FMN2: variants seen among roughly 807,000 people sequenced by gnomAD.
FMN2 encodes formin-2.
Under a neutral mutation model 142.3 loss-of-function variants are expected in FMN2, and 51 were observed. The ratio of observed to expected loss-of-function variants is 0.36; its 90% CI spans 0.29 to 0.45. The LOEUF (loss-of-function observed/expected upper bound fraction) is 0.45, where lower values mean the gene tolerates loss of function less well. FMN2 is among the 20% of genes least tolerant of loss of function. The pLI, the probability that FMN2 is intolerant of heterozygous loss-of-function variation, is 1.00. For missense variants in FMN2, 1,936 were observed against 2,122.8 expected (o/e 0.91, Z 1.73); for synonymous variants, 882 against 869.8 (o/e 1.01, Z -0.25).
intron 15 of FMN2, among the ~76,000 whole-genome samples, chr1:240,405,034 A>T (rs1427716422): frequency 1.3e-5 from 2 of 152,166 alleles, no homozygotes; most frequent in East Asian, 1.9e-4. Context: ...CCCAATATTT[A>T]AAAATATTTG....
chr1:240,279,154 C>T (rs1414807373), intron 7 of FMN2, among the ~76,000 whole-genome samples: 1 of 152,098 alleles, frequency 6.6e-6, no homozygotes, highest in Non-Finnish European at 1.5e-5. Context: ...GGTTTCCATG[C>T]AAGCTTTTTA....
intron 8 of FMN2, among the ~76,000 whole-genome samples, chr1:240,318,698 A>G (rs1393036924): frequency 2.0e-5 from 3 of 152,216 alleles, no homozygotes; most frequent in African/African-American, 7.2e-5. Context: ...AAACAATCAC[A>G]TTAAGTACTT....
At chr1:240,332,377 A>G (rs1160361874) in intron 11 of FMN2, among the ~76,000 whole-genome samples, 1 of 32,550 alleles carries the variant, frequency 3.1e-5, no homozygotes, top group Non-Finnish European at 5.1e-5. Context: ...TCAAAAAAAA[A>G]AAGAAAGAAA....
chr1:240,113,227 G>T (rs1156410215), intron 1 of FMN2, among the ~76,000 whole-genome samples: 1 of 152,068 alleles, frequency 6.6e-6, no homozygotes, highest in East Asian at 1.9e-4. Context: ...GAACCGGGAA[G>T]CCTCTGGTTC....
chr1:240,136,714 T>C (rs1662955542), intron 2 of FMN2, among the ~76,000 whole-genome samples: 1 of 152,186 alleles, frequency 6.6e-6, no homozygotes, highest in African/African-American at 2.4e-5. Flanking sequence ...TAATTAGTTC[T>C]ATTGATGTGA....
At chr1:240,160,544 A>C (rs573944695) in intron 2 of FMN2, among the ~76,000 whole-genome samples, 1 of 150,864 alleles carries the variant, frequency 6.6e-6, no homozygotes, top group African/African-American at 2.4e-5. Flanking sequence ...TTATCAGAAA[A>C]GTGTTTGATA....
At chr1:240,228,797 T>A (rs1667437801) in intron 6 of FMN2, among the ~76,000 whole-genome samples, 2 of 151,962 alleles carry the variant, frequency 1.3e-5, no homozygotes, top group Admixed American at 1.3e-4. Context: ...ATAAACTTTT[T>A]TTTCCCTAAA....
intron 14 of FMN2, among the ~76,000 whole-genome samples, chr1:240,372,840 G>A (rs1448722988): frequency 1.3e-5 from 2 of 152,000 alleles, no homozygotes; most frequent in African/African-American, 2.4e-5. Context: ...GTGTGCAGTA[G>A]CATTATACAT....
intron 3 of FMN2, chr1:240,179,333 A>C (rs1247005161): frequency 1.3e-5 from 2 of 152,110 alleles, no homozygotes; most frequent in Non-Finnish European, 2.9e-5. Context: ...TTTGCATCCC[A>C]GTCTCTGGAG....
At chr1:240,355,288 G>T (rs1466744835) in intron 13 of FMN2, among the ~76,000 whole-genome samples, 1 of 152,126 alleles carries the variant, frequency 6.6e-6, no homozygotes, top group South Asian at 2.1e-4. Context: ...ACAATTATTG[G>T]ATGCTATACT....
At chr1:240,409,697 TGTATTGTA>T (rs1674333627) in intron 15 of FMN2, among the ~76,000 whole-genome samples, 1 of 152,164 alleles carries the variant, frequency 6.6e-6, no homozygotes, top group African/African-American at 2.4e-5. Flanking sequence ...TAAATTATCC[TGTATTGTA>T]GTATTGTAGT....
At chr1:240,328,611 CA>C (rs1198415887) in intron 8 of FMN2, among the ~76,000 whole-genome samples, 1 of 147,594 alleles carries the variant, frequency 6.8e-6, no homozygotes, top group East Asian at 2.0e-4. Context: ...TTATTTGAGA[CA>C]AGAGTCTTGC....
chr1:240,132,083 G>A (rs1481923503), intron 2 of FMN2, among the ~76,000 whole-genome samples: 2 of 152,162 alleles, frequency 1.3e-5, no homozygotes, highest in Non-Finnish European at 2.9e-5. Flanking sequence ...TTGGATGTGA[G>A]GAAGTGGAGT....
intron 1 of FMN2, among the ~76,000 whole-genome samples, chr1:240,119,511 C>T (rs769218445): frequency 7.2e-5 from 11 of 152,162 alleles, no homozygotes; most frequent in Non-Finnish European, 1.6e-4. Flanking sequence ...TGTCTGGAGA[C>T]ATTTTGGGCT....
chr1:240,463,219 G>A (rs1458286126), intron 16 of FMN2, among the ~76,000 whole-genome samples: 3 of 152,156 alleles, frequency 2.0e-5, no homozygotes, highest in Non-Finnish European at 4.4e-5. Context: ...TTCAGGGGAC[G>A]TGAGAAGGCT....
intron 9 of FMN2, 75 bp downstream of exon 9, chr1:240,329,242 C>A: frequency 1.3e-6 from 2 of 1,594,958 alleles, no homozygotes; most frequent in South Asian, 2.2e-5. Context: ...AATGCAAATG[C>A]GGTGTCTTCA....
chr1:240,256,122 A>G (rs768459522), intron 6 of FMN2, among the ~76,000 whole-genome samples: 2 of 152,160 alleles, frequency 1.3e-5, no homozygotes, highest in African/African-American at 2.4e-5. Context: ...AAACCTTGAT[A>G]AAAGCATTTT....
chr1:240,235,799 A>G (rs948631851), intron 6 of FMN2: 3 of 152,032 alleles, frequency 2.0e-5, no homozygotes, highest in Non-Finnish European at 2.9e-5. Context: ...GGTGAAGTCA[A>G]CCAGTACCTT....
At chr1:240,437,414 G>A (rs900194711) in intron 15 of FMN2, among the ~76,000 whole-genome samples, 2 of 149,822 alleles carry the variant, frequency 1.3e-5, no homozygotes, top group Non-Finnish European at 2.9e-5. Flanking sequence ...CTGCCTCTCA[G>A]CCTCCCAAGT....
Sources: gnomAD v4.1 joint callset for allele counts (sites outside exome capture counted in the v4.1 genomes callset) on GRCh38, gnomAD v4.1.1 for gene constraint, MANE v1.5 for transcripts, NCBI Gene and HGNC (gene_info 2026-07-23, HGNC 2026-07-21) for gene names.